DDX10: variants seen among roughly 807,000 people sequenced by gnomAD.
DDX10 encodes the protein DEAD-box helicase 10.
Under a neutral mutation model 104.3 loss-of-function variants are expected in DDX10, and 74 were observed. The observed-to-expected ratio is 0.71, with a 90% CI of 0.59 to 0.86. The LOEUF (loss-of-function observed/expected upper bound fraction) is 0.86. DDX10 is among the 40% of genes least tolerant of loss of function. The pLI, the probability that DDX10 is intolerant of heterozygous loss-of-function variation, is 0.00. For missense variants in DDX10, 952 were observed against 1,040.0 expected (o/e 0.92, Z 1.16); for synonymous variants, 351 against 353.4 (o/e 0.99, Z 0.08).
chr11:108,898,402 G>A (rs771652073), intron 16 of DDX10, among the ~76,000 whole-genome samples: 3 of 151,988 alleles, frequency 2.0e-5, no homozygotes, highest in Non-Finnish European at 2.9e-5. Flanking sequence ...AGACATGACC[G>A]AAAAATCATG....
At chr11:108,725,784 A>G (rs1398867916) in intron 13 of DDX10, among the ~76,000 whole-genome samples, 1 of 151,930 alleles carries the variant, frequency 6.6e-6, no homozygotes, top group African/African-American at 2.4e-5. Context: ...AGGTATCTTA[A>G]ATTTTGAAGT....
chr11:108,742,875 T>A (rs909469417), intron 13 of DDX10, among the ~76,000 whole-genome samples: 1 of 152,056 alleles, frequency 6.6e-6, no homozygotes, highest in Non-Finnish European at 1.5e-5. Flanking sequence ...AATAATGAGT[T>A]CTGAAACTGA....
chr11:108,675,475 G>T, intron 2 of DDX10, 121 bp from the exon 3 acceptor site: 3 of 1,066,598 alleles, frequency 2.8e-6, no homozygotes. Context: ...GTATAGTTAT[G>T]TTCTGAGGTA....
chr11:108,769,793 G>A (rs914853845), intron 13 of DDX10, among the ~76,000 whole-genome samples: 1 of 152,120 alleles, frequency 6.6e-6, no homozygotes, highest in African/African-American at 2.4e-5. Context: ...GGGCTCCAAA[G>A]AGCTTTTGTT....
chr11:108,923,362 C>T (rs1220153496), intron 17 of DDX10, among the ~76,000 whole-genome samples: 1 of 152,158 alleles, frequency 6.6e-6, no homozygotes, highest in Admixed American at 6.5e-5. Context: ...ATAGTCCATA[C>T]AATAAAGTTA....
chr11:108,800,588 A>G (rs1161456134), intron 13 of DDX10, among the ~76,000 whole-genome samples: 2 of 152,184 alleles, frequency 1.3e-5, no homozygotes, highest in South Asian at 2.1e-4. Context: ...TCCTAATGAC[A>G]ACCTATTGGT....
chr11:108,766,058 G>C (rs1214148152), intron 13 of DDX10, among the ~76,000 whole-genome samples: 1 of 152,100 alleles, frequency 6.6e-6, no homozygotes, highest in Non-Finnish European at 1.5e-5. Context: ...AAATGATTTT[G>C]ATTTGGGTAG....
chr11:108,869,271 C>CATA (rs1388784002), intron 16 of DDX10, among the ~76,000 whole-genome samples: 1 of 151,528 alleles, frequency 6.6e-6, no homozygotes, highest in East Asian at 1.9e-4. Flanking sequence ...AAGGCCAGGG[C>CATA]ATAAGATTGC....
chr11:108,737,299 A>G (rs1189134423), intron 13 of DDX10, among the ~76,000 whole-genome samples: 2 of 152,226 alleles, frequency 1.3e-5, no homozygotes, highest in Non-Finnish European at 2.9e-5. Flanking sequence ...TTAAGCAGGT[A>G]GCAGATCATC....
intron 13 of DDX10, among the ~76,000 whole-genome samples, chr11:108,774,797 A>T (rs761612525): frequency 6.6e-6 from 1 of 152,162 alleles, no homozygotes; most frequent in Non-Finnish European, 1.5e-5. Flanking sequence ...GTTCTCCGGT[A>T]TGCTTTGAGG....
chr11:108,908,475 A>G (rs1863626519), intron 16 of DDX10, among the ~76,000 whole-genome samples: 1 of 152,254 alleles, frequency 6.6e-6, no homozygotes, highest in African/African-American at 2.4e-5. Flanking sequence ...ATGGAATTAA[A>G]TAACTAAAAT....
At chr11:108,911,813 T>C (rs1863684077) in intron 16 of DDX10, among the ~76,000 whole-genome samples, 1 of 152,064 alleles carries the variant, frequency 6.6e-6, no homozygotes, top group African/African-American at 2.4e-5. Context: ...CCATCTGCCC[T>C]GGCCTCCAAA....
rs143096272 is a variant in DDX10 at position 108,823,242 on chromosome 11, C to T, written c.1966-15204C>T. Among the ~76,000 whole-genome samples the T allele has an allele frequency of 3.3e-4, 50 of 152,292 alleles. No individual in the cohort carries two copies. In the East Asian group the frequency reaches 9.3e-3, roughly 28 times the overall value. On this transcript the variant is annotated intron_variant, in intron 13 of 17. Transcript: ENST00000322536. Reference sequence around the variant, plus strand: ...GCACATTTTGTCGAAACGTAGTACACATAGGCTAGCCTTTGACTTTTCATT... The same window carrying T: ...GCACATTTTGTCGAAACGTAGTACATATAGGCTAGCCTTTGACTTTTCATT...
rs1298863913 is a variant in DDX10 at position 108,677,177 on chromosome 11, C to T, written c.471C>T (p.Thr157=). The change falls in exon 4 of 18, where the codon ACC becomes ACT. Residue 157 remains threonine (T), a synonymous_variant. Coordinates refer to ENST00000322536, the MANE Select transcript of DDX10 (RefSeq NM_004398.4). ...ISPTRELAYQ[T]FEVLRKVGKN... is the part of the protein sequence containing the mutation. The stretch of plus-strand genomic sequence containing the variant: ...CTACGAGAGAACTGGCCTATCAGAC[C>T]TTTGAGGTTCTCCGAAAAGTAGGAA... 2 of 1,613,886 alleles carry T rather than the reference C, an allele frequency of 1.2e-6. No individual in the cohort carries two copies. Among genetic ancestry groups the T allele is most frequent in the Admixed American group, 3.3e-5 (2 of 59,984 alleles).
intron 17 of DDX10, among the ~76,000 whole-genome samples, chr11:108,924,383 G>T (rs1281482643): frequency 6.6e-6 from 1 of 152,106 alleles, no homozygotes; most frequent in Non-Finnish European, 1.5e-5. Flanking sequence ...TGAGGCTATT[G>T]TCCTCATTTA....
At position 108,673,419 on chromosome 11, in the gene DDX10, T is replaced by C. The variant is rs777546274; in HGVS notation, c.187-48T>C. 4 of 1,253,514 alleles carry C rather than the reference T, an allele frequency of 3.2e-6. No individual in the cohort carries two copies. In the South Asian group the frequency reaches 3.6e-5, roughly 11 times the overall value. 77.6% of individuals were successfully genotyped at this position (1,253,514 alleles called of 1,614,324 possible). On this transcript the variant is annotated intron_variant, in intron 1 of 17. Transcript: ENST00000322536. Reference sequence around the variant, plus strand: ...ATACAATGTAGAGAAGAAATGGCTGTGTCGTGAAACAAATGAGTTACCCTG... The same window carrying C: ...ATACAATGTAGAGAAGAAATGGCTGCGTCGTGAAACAAATGAGTTACCCTG...
chr11:108,932,190 A>T (rs1432583796), intron 17 of DDX10, among the ~76,000 whole-genome samples: 3 of 152,006 alleles, frequency 2.0e-5, no homozygotes, highest in Non-Finnish European at 4.4e-5. Flanking sequence ...TTAAAACTTG[A>T]TGTATAAAAC....
At chr11:108,792,166 G>A (rs1047524746) in intron 13 of DDX10, among the ~76,000 whole-genome samples, 1 of 152,012 alleles carries the variant, frequency 6.6e-6, no homozygotes, top group Non-Finnish European at 1.5e-5. Context: ...CTATATTTGG[G>A]TATAAATTCT....
intron 1 of DDX10, among the ~76,000 whole-genome samples, chr11:108,667,927 A>G (rs1420954356): frequency 6.6e-6 from 1 of 152,126 alleles, no homozygotes; most frequent in African/African-American, 2.4e-5. Context: ...AAACTCTCCT[A>G]CTAGACCATG....
Sources: allele counts gnomAD v4.1 joint callset (sites outside exome capture counted in the v4.1 genomes callset), GRCh38; gene constraint gnomAD v4.1.1; transcripts MANE v1.5; gene names NCBI Gene and HGNC (gene_info 2026-07-23, HGNC 2026-07-21).